Variants in KCNH8 observed in about 807,000 individuals in gnomAD.
KCNH8 encodes the protein voltage-gated delayed rectifier potassium channel KCNH8.
KCNH8 carries 70 observed loss-of-function variants against 103.6 expected under a neutral mutation model. That is an observed-to-expected ratio of 0.68 (90% CI 0.56 to 0.82). KCNH8 has a LOEUF of 0.82. KCNH8 is among the 40% of genes least tolerant of loss of function. The pLI is 0.00. For missense variants in KCNH8, 1,217 were observed against 1,329.9 expected, an observed-to-expected ratio of 0.92 and a Z score of 1.32; for synonymous variants, 498 against 489.4, an observed-to-expected ratio of 1.02 and a Z score of -0.23.
At chr3:19,499,316 G>A (rs2068522188) in intron 11 of KCNH8, among the ~76,000 whole-genome samples, 1 of 152,158 alleles carries the variant, frequency 6.6e-6, no homozygotes, top group South Asian at 2.1e-4. Context: ...ACGTCTGATT[G>A]ATGTACCTGA....
chr3:19,185,424 A>G (rs891369021), intron 1 of KCNH8, among the ~76,000 whole-genome samples: 3 of 151,954 alleles, frequency 2.0e-5, no homozygotes, highest in African/African-American at 7.2e-5. Context: ...GTCTTCTTTG[A>G]TGAAATGTTT....
chr3:19,316,408 C>T (rs1429109915), intron 3 of KCNH8, among the ~76,000 whole-genome samples: 1 of 151,920 alleles, frequency 6.6e-6, no homozygotes, highest in South Asian at 2.1e-4. Flanking sequence ...CAGGCCATAA[C>T]TCTATAACAT....
intron 7 of KCNH8, among the ~76,000 whole-genome samples, chr3:19,416,199 T>C (rs1209581759): frequency 6.6e-6 from 1 of 152,156 alleles, no homozygotes; most frequent in Non-Finnish European, 1.5e-5. Flanking sequence ...TCAGTATTTA[T>C]TGAGGCTCAG....
rs573379151 is a variant in KCNH8, at chr3:19,326,556, T to C, written c.443-16031T>C. On this transcript the variant is annotated intron_variant, in intron 3 of 15. Coordinates refer to ENST00000328405, the MANE Select transcript of KCNH8 (RefSeq NM_144633.3). ...TTCTGTGCCAAATGTTGGTATTCTA[T>C]TGATTGTCAACTAATTCCTGCTAAG... Among the ~76,000 whole-genome samples, 176 of 152,036 alleles carry C rather than the reference T, an allele frequency of 1.2e-3. 1 individual carries two copies. Among genetic ancestry groups the C allele is most frequent in the African/African-American group, 3.6e-3 (149 of 41,484 alleles).
intron 1 of KCNH8, among the ~76,000 whole-genome samples, chr3:19,164,856 C>A (rs1365810285): frequency 6.6e-6 from 1 of 152,084 alleles, no homozygotes; most frequent in East Asian, 1.9e-4. Context: ...AGTAATAACC[C>A]ACTGGTGTTG....
At chr3:19,419,930 C>T (rs951181965) in intron 7 of KCNH8, among the ~76,000 whole-genome samples, 4 of 152,152 alleles carry the variant, frequency 2.6e-5, no homozygotes, top group Non-Finnish European at 5.9e-5. Context: ...TTTGGCTTGA[C>T]AGCTCTCAAT....
chr3:19,374,556 C>G (rs546070918), intron 5 of KCNH8, among the ~76,000 whole-genome samples: 231 of 152,232 alleles, frequency 1.5e-3, no homozygotes, highest in Non-Finnish European at 2.5e-3. Context: ...GACTCTTTAT[C>G]CAGTTTGCCA....
intron 11 of KCNH8, among the ~76,000 whole-genome samples, chr3:19,494,138 A>T (rs1384228449): frequency 6.6e-6 from 1 of 152,198 alleles, no homozygotes. Flanking sequence ...AATTGCCTCC[A>T]GCTCCACCCA....
intron 1 of KCNH8, among the ~76,000 whole-genome samples, chr3:19,204,440 G>GAGTC (rs1435442280): frequency 6.6e-6 from 1 of 151,416 alleles, no homozygotes; most frequent in African/African-American, 2.4e-5. Context: ...GAGAGAGAGA[G>GAGTC]TGTCTGTGTG....
At chr3:19,415,456 C>T (rs1404495416) in intron 7 of KCNH8, among the ~76,000 whole-genome samples, 1 of 137,908 alleles carries the variant, frequency 7.3e-6, no homozygotes, top group Non-Finnish European at 1.5e-5. Context: ...ATAAATCTTA[C>T]ATATTTATTT....
In KCNH8 at chr3:19,415,509, G is replaced by A. The variant is rs1442726976; in HGVS notation, c.1177+20198G>A. ...ATCAGCTGTTGATTTATTCATTTGG[G>A]TTGATTTATCTGTCTCCTTACTGAG... is the stretch of plus-strand genomic sequence containing the variant. On this transcript the variant is annotated intron_variant, in intron 7 of 15. Coordinates refer to ENST00000328405, the MANE Select transcript of KCNH8 (RefSeq NM_144633.3). Among the ~76,000 whole-genome samples, 4 of 150,128 alleles carry A rather than the reference G, an allele frequency of 2.7e-5. No individual in the cohort carries two copies. The South Asian group carries it at 8.5e-4, about 32-fold the overall frequency.
intron 1 of KCNH8, among the ~76,000 whole-genome samples, chr3:19,222,666 T>G (rs1204860970): frequency 1.3e-5 from 2 of 152,182 alleles, no homozygotes; most frequent in Non-Finnish European, 2.9e-5. Flanking sequence ...AGAGTGATAA[T>G]AAGTTTTGAT....
chr3:19,210,460 CCTT>C (rs1328431432), intron 1 of KCNH8, among the ~76,000 whole-genome samples: 2 of 152,074 alleles, frequency 1.3e-5, no homozygotes, highest in East Asian at 3.9e-4. Context: ...GTGAATAAAG[CCTT>C]CTTTTTGGTG....
intron 10 of KCNH8, among the ~76,000 whole-genome samples, chr3:19,452,661 G>T (rs756857064): frequency 2.6e-5 from 4 of 152,110 alleles, no homozygotes; most frequent in Non-Finnish European, 5.9e-5. Flanking sequence ...ATAAAAGGGG[G>T]TGAATTCAGT....
At chr3:19,448,600 T>C (rs928080939) in intron 8 of KCNH8, among the ~76,000 whole-genome samples, 6 of 152,040 alleles carry the variant, frequency 3.9e-5, no homozygotes, top group Non-Finnish European at 8.8e-5. Context: ...GGGGAGGTCC[T>C]GAAATACTCA....
intron 4 of KCNH8, among the ~76,000 whole-genome samples, chr3:19,347,010 C>A (rs2065738206): frequency 6.6e-6 from 1 of 152,080 alleles, no homozygotes; most frequent in Non-Finnish European, 1.5e-5. Context: ...TAATCAGCTG[C>A]ACAGTGAACA....
chr3:19,149,077 A>G (rs980776751), intron 1 of KCNH8, among the ~76,000 whole-genome samples: 2 of 152,082 alleles, frequency 1.3e-5, no homozygotes, highest in African/African-American at 4.8e-5. Context: ...TGGGACCTGC[A>G]TTTTGGTGTA....
chr3:19,498,446 T>C (rs984979370), intron 11 of KCNH8, among the ~76,000 whole-genome samples: 6 of 152,188 alleles, frequency 3.9e-5, no homozygotes, highest in African/African-American at 1.4e-4. Flanking sequence ...ATGGTGGTAA[T>C]GAATTCCCTC....
intron 1 of KCNH8, among the ~76,000 whole-genome samples, chr3:19,246,050 A>G (rs2064200195): frequency 6.6e-6 from 1 of 152,164 alleles, no homozygotes; most frequent in Admixed American, 6.5e-5. Flanking sequence ...TGAAATTTAC[A>G]AAATTTATTG....
Sources: gnomAD v4.1 joint callset for allele counts (sites outside exome capture counted in the v4.1 genomes callset) on GRCh38, gnomAD v4.1.1 for gene constraint, MANE v1.5 for transcripts, NCBI Gene and HGNC (gene_info 2026-07-23, HGNC 2026-07-21) for gene names.